Variants in PCCA observed in about 807,000 individuals in gnomAD.
The protein encoded by PCCA is propionyl-CoA carboxylase subunit alpha, also known as propionyl-CoA carboxylase alpha chain, mitochondrial.
PCCA carries 74 observed loss-of-function variants against 101.3 expected under a neutral mutation model. The ratio of observed to expected loss-of-function variants is 0.73; its 90% CI spans 0.61 to 0.89. The LOEUF (loss-of-function observed/expected upper bound fraction) is 0.89. Ranked by LOEUF, PCCA falls within the 40% of genes least tolerant of loss-of-function variation. PCCA has a pLI of 0.00. For synonymous variants in PCCA, 294 were observed against 313.6 expected, an observed-to-expected ratio of 0.94 and a Z score of 0.66; for missense variants, 891 against 907.0, an observed-to-expected ratio of 0.98 and a Z score of 0.23.
intron 21 of PCCA, among the ~76,000 whole-genome samples, chr13:100,492,714 A>G (rs1175440244): frequency 1.3e-5 from 2 of 150,810 alleles, no homozygotes; most frequent in Admixed American, 1.3e-4. Flanking sequence ...TATCCATATA[A>G]ACCCCAAACC....
chr13:100,528,130 C>T (rs927419779), intron 23 of PCCA, among the ~76,000 whole-genome samples: 2 of 152,204 alleles, frequency 1.3e-5, no homozygotes, highest in African/African-American at 2.4e-5. Flanking sequence ...ATTAATGTAA[C>T]TCTTCAAGAC....
intron 11 of PCCA, among the ~76,000 whole-genome samples, chr13:100,270,338 G>T (rs1158591042): frequency 6.6e-6 from 1 of 152,138 alleles, no homozygotes; most frequent in Non-Finnish European, 1.5e-5. Context: ...ATGGAGGAAG[G>T]GGAAAAAGGA....
In PCCA at chr13:100,449,212, C is replaced by CAGAT. The variant is rs200232606; in HGVS notation, c.1846-38_1846-35dup. 5,582 of 1,276,356 alleles carry CAGAT rather than the reference C, an allele frequency of 4.4e-3. 221 individuals carry two copies. The East Asian group carries it at 0.078, about 18-fold the overall frequency. 79.1% of individuals were successfully genotyped at this position (1,276,356 alleles called of 1,614,324 possible). ...TCGTGAACATTACATACAAGCTGTG[C>CAGAT]AGATATGAGTTCATTTTATATCTCT... On this transcript the variant is annotated intron_variant, in intron 20 of 23. Transcript: ENST00000376285.
At chr13:100,155,975 A>G (rs946607382) in intron 5 of PCCA, among the ~76,000 whole-genome samples, 1 of 152,238 alleles carries the variant, frequency 6.6e-6, no homozygotes, top group African/African-American at 2.4e-5. Context: ...TTGAGTGTTG[A>G]TAAAATGAAG....
At chr13:100,166,651 T>C (rs2055067567) in intron 6 of PCCA, among the ~76,000 whole-genome samples, 1 of 152,192 alleles carries the variant, frequency 6.6e-6, no homozygotes, top group Non-Finnish European at 1.5e-5. Flanking sequence ...TGTATGGGTT[T>C]ACCACCATAT....
chr13:100,494,719 A>C (rs1219357533), intron 21 of PCCA, among the ~76,000 whole-genome samples: 1 of 152,090 alleles, frequency 6.6e-6, no homozygotes, highest in Non-Finnish European at 1.5e-5. Flanking sequence ...ACACATTATA[A>C]CATGACAAGT....
In PCCA at chr13:100,394,055, CTG is replaced by C. The variant is rs2076938017; in HGVS notation, c.1746+25483_1746+25484del. On this transcript the variant is annotated intron_variant, in intron 19 of 23. Transcript: ENST00000376285. This position sits in a 1 kb window ranked among gnomAD's most constrained non-coding sequence, Gnocchi z 4.3. ...TAAAAATAACATTGTTGTAGAGCCT[CTG>C]TATGCGTCAGCTGTGACTGAGTGTT... is the stretch of plus-strand genomic sequence containing the variant. 1.3e-5 allele frequency among the ~76,000 whole-genome samples: 2 copies of C among 152,226 alleles called. No individual in the cohort carries two copies. The highest frequency in any genetic ancestry group is 4.8e-5 in the African/African-American group (2 of 41,456).
chr13:100,142,063 A>G (rs1002332383), intron 4 of PCCA, among the ~76,000 whole-genome samples: 3 of 150,398 alleles, frequency 2.0e-5, no homozygotes, highest in African/African-American at 7.3e-5. Context: ...TTTTTATTAT[A>G]TACAGTTTTT....
At chr13:100,288,525 G>C (rs1005025180) in intron 12 of PCCA, among the ~76,000 whole-genome samples, 1 of 152,184 alleles carries the variant, frequency 6.6e-6, no homozygotes, top group African/African-American at 2.4e-5. Context: ...TCTAACTCTT[G>C]GGGCCTCTGT....
chr13:100,178,153 A>G (rs1379011562), intron 6 of PCCA, among the ~76,000 whole-genome samples: 3 of 152,134 alleles, frequency 2.0e-5, no homozygotes, highest in African/African-American at 7.2e-5. Context: ...AAATCAGTGG[A>G]TTATTTAATT....
At position 100,301,605 on chromosome 13, in the gene PCCA, T is replaced by TA. The variant is rs746645726; in HGVS notation, c.1209+6dup. On this transcript the variant is annotated splice_region_variant and intron_variant, in intron 13 of 23. Coordinates refer to ENST00000376285, the MANE Select transcript of PCCA (RefSeq NM_000282.4). The stretch of plus-strand genomic sequence containing the variant: ...GTTGAATGTCGGGTTTATGCTGAGG[T>TA]AAAATGAATGGTGTTGGGAGGAAGG... The TA allele has an allele frequency of 1.4e-5, 23 of 1,613,850 alleles. No homozygotes were observed. In the African/African-American group the frequency reaches 2.3e-4, roughly 16 times the overall value.
chr13:100,499,127 C>G (rs185179686), intron 21 of PCCA, among the ~76,000 whole-genome samples: 1 of 152,190 alleles, frequency 6.6e-6, no homozygotes, highest in African/African-American at 2.4e-5. Flanking sequence ...AGTCAACACA[C>G]GGAACACAAG....
chr13:100,182,619 C>T (rs911365004), intron 6 of PCCA, among the ~76,000 whole-genome samples: 1 of 152,120 alleles, frequency 6.6e-6, no homozygotes, highest in Non-Finnish European at 1.5e-5. Flanking sequence ...AGTCAGTCTT[C>T]TCTCTGAGTT....
At chr13:100,377,949 T>G (rs1005469205) in intron 19 of PCCA, among the ~76,000 whole-genome samples, 5 of 152,218 alleles carry the variant, frequency 3.3e-5, no homozygotes, top group African/African-American at 1.2e-4. Context: ...TCTTTGTGGT[T>G]GGTGTTTTCC....
chr13:100,346,151 A>T (rs1319512897), intron 18 of PCCA, among the ~76,000 whole-genome samples: 1 of 152,202 alleles, frequency 6.6e-6, no homozygotes, highest in African/African-American at 2.4e-5. Flanking sequence ...TTCAAGTCTT[A>T]TTATTTAAGA....
In PCCA at chr13:100,264,249, A is replaced by G. The variant is rs188878361; in HGVS notation, c.819+1418A>G. On this transcript the variant is annotated intron_variant, in intron 10 of 23. Coordinates refer to ENST00000376285, the MANE Select transcript of PCCA (RefSeq NM_000282.4). ...TATGTGATATCTGTATATCATATAT[A>G]TGTGATATCTGTATCTCATATATAT... is the stretch of plus-strand genomic sequence containing the variant. 2.0e-4 allele frequency among the ~76,000 whole-genome samples: 30 copies of G among 150,528 alleles called. 2 individuals carry two copies. Among genetic ancestry groups the G allele is most frequent in the African/African-American group, 7.3e-4 (30 of 40,886 alleles).
chr13:100,440,572 G>A (rs1001350940), intron 20 of PCCA, among the ~76,000 whole-genome samples: 1 of 151,492 alleles, frequency 6.6e-6, no homozygotes, highest in Non-Finnish European at 1.5e-5. Context: ...AAAATAAAGC[G>A]GCATACATTT....
At chr13:100,332,639 C>T (rs570214188) in intron 17 of PCCA, among the ~76,000 whole-genome samples, 3 of 152,216 alleles carry the variant, frequency 2.0e-5, no homozygotes, top group South Asian at 4.2e-4. Flanking sequence ...ATGTGCTGGA[C>T]GTTTAGCAAC....
intron 4 of PCCA, among the ~76,000 whole-genome samples, chr13:100,118,859 AT>A (rs138181456): frequency 3.3e-5 from 5 of 151,790 alleles, no homozygotes; most frequent in African/African-American, 4.8e-5. Context: ...CAGTAATGTT[AT>A]TTTTTTTAAT....
Sources: allele counts gnomAD v4.1 joint callset (sites outside exome capture counted in the v4.1 genomes callset), GRCh38; gene constraint gnomAD v4.1.1; non-coding constraint Gnocchi (gnomAD v3.1); transcripts MANE v1.5; gene names NCBI Gene and HGNC (gene_info 2026-07-23, HGNC 2026-07-21).